The following OSBPL9 variants were observed in gnomAD, a reference collection of about 807,000 sequenced individuals.
The protein encoded by OSBPL9 is oxysterol-binding protein-related protein 9.
OSBPL9 carries 40 observed loss-of-function variants against 106.6 expected under a neutral mutation model. The ratio of observed to expected loss-of-function variants is 0.38; its 90% CI spans 0.29 to 0.49. The LOEUF (loss-of-function observed/expected upper bound fraction) is 0.49, where lower values mean the gene tolerates loss of function less well. OSBPL9 is among the 20% of genes least tolerant of loss of function. The pLI is 0.97. For synonymous variants in OSBPL9, 269 were observed against 295.4 expected (o/e 0.91, Z 0.92); for missense variants, 609 against 887.2 (o/e 0.69, Z 3.98).
the OSBPL9 span, among the ~76,000 whole-genome samples, chr1:51,533,028 A>G: frequency 6.6e-6 from 1 of 152,150 alleles, no homozygotes; most frequent in Non-Finnish European, 1.5e-5. Flanking sequence ...GGTAATTGGT[A>G]ATAATTGGTA....
At position 51,783,994 on chromosome 1, in the gene OSBPL9, G is replaced by C. The variant is rs1677000533; in HGVS notation, c.1593G>C (p.Gly531=). Residue 531 remains glycine, a synonymous_variant, in exon 18 of 24, where the codon GGG becomes GGC. Coordinates refer to ENST00000428468, the MANE Select transcript of OSBPL9 (RefSeq NM_024586.6). ...AHIWTKSKFL[G]MSIGVHNIGQ... ...TCTGGACCAAATCAAAATTCCTTGG[G>C]ATGTCAATTGGGGTGCACAACATAG... is the stretch of plus-strand genomic sequence containing the variant. 1 of 1,613,492 alleles carries C rather than the reference G, an allele frequency of 6.2e-7. No individual in the cohort carries two copies. The highest frequency in any genetic ancestry group is 8.5e-7 in the Non-Finnish European group (1 of 1,179,572).
At chr1:51,755,905 CTA>C (rs900492589) in intron 8 of OSBPL9, among the ~76,000 whole-genome samples, 1 of 152,190 alleles carries the variant, frequency 6.6e-6, no homozygotes, top group Non-Finnish European at 1.5e-5. Flanking sequence ...CTTTCTCTCT[CTA>C]GATTTGTCTA....
intron 1 of OSBPL9, among the ~76,000 whole-genome samples, chr1:51,631,463 C>T (rs1048778871): frequency 1.3e-5 from 2 of 152,146 alleles, no homozygotes; most frequent in Non-Finnish European, 2.9e-5. Context: ...ATCGCTTGAG[C>T]CCAACAGGTC....
At chr1:51,545,499 C>T in the OSBPL9 span, among the ~76,000 whole-genome samples, 1 of 152,164 alleles carries the variant, frequency 6.6e-6, no homozygotes, top group African/African-American at 2.4e-5. Context: ...CATAACTGAG[C>T]CAGGTGCAGT....
chr1:51,664,172 A>G (rs1459734488), intron 2 of OSBPL9, among the ~76,000 whole-genome samples: 1 of 152,232 alleles, frequency 6.6e-6, no homozygotes, highest in Non-Finnish European at 1.5e-5. Flanking sequence ...ATGAATAAGA[A>G]TATTCATAGG....
chr1:51,569,934 C>T, the OSBPL9 span, among the ~76,000 whole-genome samples: 2 of 152,192 alleles, frequency 1.3e-5, no homozygotes, highest in African/African-American at 4.8e-5. Flanking sequence ...ACTTTACAAT[C>T]AGGAGGCTGA....
intron 4 of OSBPL9, among the ~76,000 whole-genome samples, chr1:51,725,819 C>A (rs917356175): frequency 1.3e-4 from 20 of 152,254 alleles, no homozygotes; most frequent in African/African-American, 4.8e-4. Flanking sequence ...GGTTCTCCCC[C>A]CTGCCCATAT....
intron 2 of OSBPL9, among the ~76,000 whole-genome samples, chr1:51,663,419 A>G (rs896794085): frequency 3.9e-5 from 6 of 152,102 alleles, no homozygotes; most frequent in African/African-American, 1.4e-4. Flanking sequence ...CCCAGTAGAA[A>G]TGGTGATTTG....
At chr1:51,758,869 A>G (rs1670921669) in intron 9 of OSBPL9, among the ~76,000 whole-genome samples, 1 of 152,148 alleles carries the variant, frequency 6.6e-6, no homozygotes, top group Non-Finnish European at 1.5e-5. Context: ...GAACAACTCC[A>G]TGTTTGTTGA....
intron 4 of OSBPL9, chr1:51,740,155 C>T (rs1188732492): frequency 1.9e-6 from 3 of 1,548,112 alleles, no homozygotes; most frequent in South Asian, 1.2e-5. Flanking sequence ...CAGTACCACA[C>T]TTGCTTTTTT....
At chr1:51,525,137 G>A in the OSBPL9 span, among the ~76,000 whole-genome samples, 4 of 152,166 alleles carry the variant, frequency 2.6e-5, no homozygotes, top group South Asian at 2.1e-4. Flanking sequence ...CTGAATCAGC[G>A]CAATAACAAG....
At chr1:51,744,888 G>A (rs1364940830) in intron 4 of OSBPL9, among the ~76,000 whole-genome samples, 1 of 152,194 alleles carries the variant, frequency 6.6e-6, no homozygotes, top group East Asian at 1.9e-4. Context: ...AAATAAGTAG[G>A]CCTTCTAAAT....
At chr1:51,539,822 C>A in the OSBPL9 span, among the ~76,000 whole-genome samples, 1 of 152,210 alleles carries the variant, frequency 6.6e-6, no homozygotes, top group Non-Finnish European at 1.5e-5. Flanking sequence ...CATGTCACTA[C>A]CTAGCATCAA....
chr1:51,576,130 G>A (rs928791445), upstream of OSBPL9, among the ~76,000 whole-genome samples: 3 of 152,164 alleles, frequency 2.0e-5, no homozygotes, highest in Non-Finnish European at 2.9e-5. Context: ...CTGTTAATCT[G>A]TCTGATGTCA....
At chr1:51,588,722 T>A (rs187173217) in intron 1 of OSBPL9, among the ~76,000 whole-genome samples, 138 of 152,260 alleles carry the variant, frequency 9.1e-4, no homozygotes, top group African/African-American at 2.9e-3. Context: ...TTCAGACTCA[T>A]TGAACTTGGT....
chr1:51,570,383 A>T, the OSBPL9 span, among the ~76,000 whole-genome samples: 57 of 152,354 alleles, frequency 3.7e-4, no homozygotes, highest in South Asian at 0.012. Flanking sequence ...CTTGTGCAGG[A>T]TCACTCAACC....
At chr1:51,755,276 A>G (rs984645689) in intron 8 of OSBPL9, among the ~76,000 whole-genome samples, 2 of 152,200 alleles carry the variant, frequency 1.3e-5, no homozygotes, top group African/African-American at 2.4e-5. Context: ...GTTTATTTCA[A>G]TGGTTTTTGT....
At chr1:51,588,264 C>G (rs1196040259) in intron 1 of OSBPL9, among the ~76,000 whole-genome samples, 1 of 152,202 alleles carries the variant, frequency 6.6e-6, no homozygotes, top group Non-Finnish European at 1.5e-5. Flanking sequence ...TGCCTGTAAT[C>G]CCAGCTACTC....
intron 4 of OSBPL9, among the ~76,000 whole-genome samples, chr1:51,731,010 C>T (rs957470362): frequency 6.6e-6 from 1 of 151,828 alleles, no homozygotes; most frequent in Non-Finnish European, 1.5e-5. Context: ...CTGTTAGCAC[C>T]TGTCATTTAT....
Sources: gnomAD v4.1 joint callset for allele counts (sites outside exome capture counted in the v4.1 genomes callset) on GRCh38, gnomAD v4.1.1 for gene constraint, MANE v1.5 for transcripts, NCBI Gene and HGNC (gene_info 2026-07-23, HGNC 2026-07-21) for gene names.